Variants in CDK6 observed in about 807,000 individuals in gnomAD.
CDK6 encodes the protein cyclin dependent kinase 6, also known as cyclin-dependent kinase 6.
In CDK6, 6 loss-of-function variants were observed where a neutral mutation model predicts 37.1. The ratio of observed to expected loss-of-function variants is 0.16; its 90% CI spans 0.09 to 0.32. CDK6 has a LOEUF of 0.32. Ranked by LOEUF, CDK6 falls within the 10% of genes least tolerant of loss-of-function variation. The pLI is 1.00. For missense variants in CDK6, 224 were observed against 418.9 expected (o/e 0.53, Z 4.06); for synonymous variants, 160 against 161.3 (o/e 0.99, Z 0.06).
intron 2 of CDK6, among the ~76,000 whole-genome samples, chr7:92,784,492 C>A (rs569177328): frequency 1.3e-5 from 2 of 152,294 alleles, no homozygotes; most frequent in East Asian, 3.9e-4. Context: ...GAGGTCTCCA[C>A]CTAGACATGA....
chr7:92,742,265 A>G (rs1164955800), intron 3 of CDK6, among the ~76,000 whole-genome samples: 1 of 152,270 alleles, frequency 6.6e-6, no homozygotes, highest in African/African-American at 2.4e-5. Context: ...CTTTTGAAAT[A>G]GAAATTGTAC....
intron 4 of CDK6, among the ~76,000 whole-genome samples, chr7:92,701,342 T>G (rs1797836641): frequency 1.3e-5 from 2 of 152,192 alleles, no homozygotes; most frequent in Admixed American, 6.5e-5. Flanking sequence ...ATTCACTTGA[T>G]TAAAATACAA....
intron 5 of CDK6, among the ~76,000 whole-genome samples, chr7:92,626,832 G>C (rs1039760172): frequency 2.6e-5 from 4 of 152,162 alleles, no homozygotes; most frequent in African/African-American, 9.6e-5. Context: ...GATGGAGGTG[G>C]TGGGGAGAGG....
chr7:92,664,894 T>G (rs1055097730), intron 5 of CDK6, among the ~76,000 whole-genome samples: 1 of 151,960 alleles, frequency 6.6e-6, no homozygotes, highest in East Asian at 1.9e-4. Flanking sequence ...CAAGCGATTC[T>G]CCTGCCTCAG....
rs544093574 is a variant in CDK6 at position 92,711,534 on chromosome 7, C to T, written c.537+14092G>A. Among the ~76,000 whole-genome samples the T allele has an allele frequency of 1.7e-3, 228 of 135,870 alleles. 1 individual carries two copies. The highest frequency in any genetic ancestry group is 5.9e-3 in the African/African-American group (211 of 35,484). 89.1% of individuals were successfully genotyped at this position (135,870 alleles called of 152,430 possible). On this transcript the variant is annotated intron_variant, in intron 4 of 7. Coordinates refer to ENST00000424848, the MANE Select transcript of CDK6 (RefSeq NM_001145306.2). ...AGGATTTTCCCTTTTCATTTTTTTA[C>T]CTACCTGGAATGGTCAAATTTTTTT... is the stretch of plus-strand genomic sequence containing the variant.
intron 3 of CDK6, among the ~76,000 whole-genome samples, chr7:92,762,357 C>G (rs574508802): frequency 1.3e-5 from 2 of 152,052 alleles, no homozygotes; most frequent in Admixed American, 1.3e-4. Flanking sequence ...CCTCCCGACC[C>G]GGAATATATT....
intron 4 of CDK6, among the ~76,000 whole-genome samples, chr7:92,688,529 C>T (rs1797518027): frequency 6.6e-6 from 1 of 150,896 alleles, no homozygotes; most frequent in Admixed American, 6.6e-5. Context: ...AAACTCCCAA[C>T]TCTTTAAGCA....
At chr7:92,792,063 T>TG (rs541011905) in intron 2 of CDK6, among the ~76,000 whole-genome samples, 1 of 152,060 alleles carries the variant, frequency 6.6e-6, no homozygotes, top group Non-Finnish European at 1.5e-5. Context: ...GAATGGAAGT[T>TG]GGATTATAGG....
At chr7:92,803,520 G>C (rs1800643426) in intron 2 of CDK6, among the ~76,000 whole-genome samples, 1 of 152,210 alleles carries the variant, frequency 6.6e-6, no homozygotes, top group Admixed American at 6.5e-5. Flanking sequence ...GTTGGAGAGA[G>C]CAAGCAGGCT....
At chr7:92,805,665 C>T (rs749464970) in intron 2 of CDK6, among the ~76,000 whole-genome samples, 9 of 152,232 alleles carry the variant, frequency 5.9e-5, no homozygotes, top group South Asian at 2.1e-4. Flanking sequence ...AGTAAAACTT[C>T]GAAACGATTT....
intron 5 of CDK6, among the ~76,000 whole-genome samples, chr7:92,667,530 A>C (rs1474988917): frequency 6.7e-6 from 1 of 149,964 alleles, no homozygotes; most frequent in African/African-American, 2.5e-5. Flanking sequence ...CAAAAGAATC[A>C]AAAAGTTAAA....
At chr7:92,676,542 T>C (rs1262262001) in intron 4 of CDK6, among the ~76,000 whole-genome samples, 2 of 152,126 alleles carry the variant, frequency 1.3e-5, no homozygotes, top group Non-Finnish European at 2.9e-5. Context: ...TAAAAGAGAG[T>C]TGAGTTTCTG....
At chr7:92,795,973 T>C (rs1276641483) in intron 2 of CDK6, among the ~76,000 whole-genome samples, 4 of 151,726 alleles carry the variant, frequency 2.6e-5, no homozygotes, top group Non-Finnish European at 1.5e-5. Flanking sequence ...TATTTGAGCA[T>C]AAGGTCACTC....
At chr7:92,796,538 T>C (rs1800417548) in intron 2 of CDK6, among the ~76,000 whole-genome samples, 1 of 152,148 alleles carries the variant, frequency 6.6e-6, no homozygotes. Context: ...ATCTCTTTTC[T>C]ACATTGTAAA....
chr7:92,676,425 T>C (rs150663946), intron 4 of CDK6, among the ~76,000 whole-genome samples: 1 of 152,254 alleles, frequency 6.6e-6, no homozygotes, highest in African/African-American at 2.4e-5. Context: ...TTGGTTTTTG[T>C]TCTGGGAGTG....
chr7:92,825,053 C>A (rs1299509529), intron 2 of CDK6, among the ~76,000 whole-genome samples: 1 of 152,114 alleles, frequency 6.6e-6, no homozygotes, highest in Non-Finnish European at 1.5e-5. Flanking sequence ...TAAAACTCCA[C>A]AGTTTCAACA....
chr7:92,651,441 A>G (rs779902677), intron 5 of CDK6, among the ~76,000 whole-genome samples: 1 of 152,172 alleles, frequency 6.6e-6, no homozygotes, highest in African/African-American at 2.4e-5. Flanking sequence ...CCAAAACAAC[A>G]AACAACAACA....
intron 4 of CDK6, among the ~76,000 whole-genome samples, chr7:92,716,150 A>T (rs1280164319): frequency 6.6e-6 from 1 of 152,222 alleles, no homozygotes; most frequent in Non-Finnish European, 1.5e-5. Flanking sequence ...TTGGATGCTT[A>T]TAATTGATGA....
intron 4 of CDK6, among the ~76,000 whole-genome samples, chr7:92,713,097 G>A (rs1374308399): frequency 6.6e-6 from 1 of 152,122 alleles, no homozygotes; most frequent in Non-Finnish European, 1.5e-5. Flanking sequence ...CTGACCTCAT[G>A]ATCTGCCTGC....
Sources: gnomAD v4.1 joint callset for allele counts (sites outside exome capture counted in the v4.1 genomes callset) on GRCh38, gnomAD v4.1.1 for gene constraint, MANE v1.5 for transcripts, NCBI Gene and HGNC (gene_info 2026-07-23, HGNC 2026-07-21) for gene names.